MCF2L: variants seen among roughly 807,000 people sequenced by gnomAD.
MCF2L encodes the protein guanine nucleotide exchange factor DBS.
In MCF2L, 97 loss-of-function variants were observed where a neutral mutation model predicts 153.4. That is an observed-to-expected ratio of 0.63 (90% CI 0.54 to 0.75). MCF2L has a LOEUF of 0.75. MCF2L is among the 30% of genes least tolerant of loss of function. The pLI is 0.00. For synonymous variants in MCF2L, 659 were observed against 632.2 expected, an observed-to-expected ratio of 1.04 and a Z score of -0.64; for missense variants, 1,347 against 1,495.2, an observed-to-expected ratio of 0.90 and a Z score of 1.64.
At chr13:113,089,886 C>A in intron 26 of MCF2L, 158 bp downstream of exon 26, 1 of 1,608,362 alleles carries the variant, frequency 6.2e-7, no homozygotes, top group Non-Finnish European at 8.5e-7. Context: ...GCCCTAGGAC[C>A]CCACAGAAGA....
intron 27 of MCF2L, 113 bp downstream of exon 27, chr13:113,094,748 C>G: frequency 7.4e-7 from 1 of 1,356,606 alleles, no homozygotes; most frequent in Non-Finnish European, 1.0e-6. Context: ...CCAGCTCCTC[C>G]TAACCCTGGA....
chr13:113,085,965 AGTCT>A (rs1168691339), intron 20 of MCF2L, among the ~76,000 whole-genome samples, 155 bp from the exon 21 acceptor site: 1 of 151,816 alleles, frequency 6.6e-6, no homozygotes, highest in Non-Finnish European at 1.5e-5. Context: ...AGCACCACTC[AGTCT>A]GTCCCAGCTG....
intron 2 of MCF2L, among the ~76,000 whole-genome samples, chr13:112,919,037 G>T (rs1220182155): frequency 6.6e-6 from 1 of 152,094 alleles, no homozygotes; most frequent in Non-Finnish European, 1.5e-5. Context: ...GTGGTCTGTG[G>T]GCCCCGTGCC....
chr13:112,996,529 T>C (rs1191309104), intron 1 of MCF2L, among the ~76,000 whole-genome samples: 2 of 152,186 alleles, frequency 1.3e-5, no homozygotes, highest in East Asian at 1.9e-4. Context: ...TTTCCCACCA[T>C]GTGGAACGTC....
chr13:113,047,939 C>T (rs1480969304), intron 4 of MCF2L, among the ~76,000 whole-genome samples: 1 of 152,294 alleles, frequency 6.6e-6, no homozygotes, highest in Non-Finnish European at 1.5e-5. Context: ...TACGCGTGCC[C>T]CAGTGCCCTC....
At chr13:112,989,747 C>T (rs2082825944) in intron 1 of MCF2L, among the ~76,000 whole-genome samples, 1 of 152,256 alleles carries the variant, frequency 6.6e-6, no homozygotes, top group Non-Finnish European at 1.5e-5. Context: ...CTGAGTCCTT[C>T]CTGAGCTCTT....
chr13:112,998,690 C>G (rs551752127), intron 1 of MCF2L, among the ~76,000 whole-genome samples: 1 of 152,148 alleles, frequency 6.6e-6, no homozygotes. Flanking sequence ...GGTGTGGGGT[C>G]GATTCTGTCT....
At position 113,070,274 on chromosome 13, in the gene MCF2L, G is replaced by C; in HGVS notation, c.996+101G>C. 1.4e-6 allele frequency: 1 copy of C among 723,900 alleles called. No homozygotes were observed. The highest frequency in any genetic ancestry group is 2.1e-6 in the Non-Finnish European group (1 of 477,924). 44.8% of individuals were successfully genotyped at this position (723,900 alleles called of 1,614,324 possible). ...GCCGGGAGCTGAGCCGTGCCACCCA[G>C]TTGACTTTGGCTTAATGCAGAAAAG... On this transcript the variant is annotated intron_variant, in intron 9 of 29. Coordinates refer to ENST00000535094, the MANE Select transcript of MCF2L (RefSeq NM_001112732.3). This position sits in a 1 kb window ranked among gnomAD's most constrained non-coding sequence, Gnocchi z 5.6.
chr13:112,969,338 G>A lies in MCF2L; in HGVS notation c.-42G>A, dbSNP rs556059392. Reference sequence around the variant, plus strand: ...CCCACCCGCAGGCGCCCCCCGTGCGGAGGAAGCGGATCTGCCAGGATCATT... The same window carrying A: ...CCCACCCGCAGGCGCCCCCCGTGCGAAGGAAGCGGATCTGCCAGGATCATT... On this transcript the variant is annotated 5_prime_UTR_variant, in exon 1 of 30. Transcript: ENST00000535094. This position sits in a 1 kb window ranked among gnomAD's most constrained non-coding sequence, Gnocchi z 4.8. The A allele has an allele frequency of 3.2e-6, 5 of 1,548,190 alleles. No homozygotes were observed. In the Admixed American group the frequency reaches 9.8e-5, roughly 30 times the overall value.
intron 5 of MCF2L, among the ~76,000 whole-genome samples, chr13:113,062,601 A>G (rs867917030): frequency 1.2e-4 from 18 of 152,212 alleles, no homozygotes; most frequent in South Asian, 8.3e-4. Flanking sequence ...AATCACCGGC[A>G]TCTTCAAACT....
chr13:113,057,217 GTGTT>G (rs1377496216), intron 4 of MCF2L, among the ~76,000 whole-genome samples: 2 of 150,132 alleles, frequency 1.3e-5, no homozygotes, highest in Admixed American at 1.3e-4. Context: ...TAGGTGCTGT[GTGTT>G]TGGGTACTGA....
intron 2 of MCF2L, among the ~76,000 whole-genome samples, chr13:112,930,650 C>A (rs1218357624): frequency 2.0e-5 from 3 of 152,180 alleles, no homozygotes; most frequent in Non-Finnish European, 2.9e-5. Flanking sequence ...TTAATACCTG[C>A]AAATTTAAAA....
At chr13:113,081,093 C>G (rs373197848) in intron 15 of MCF2L, 120 bp from the exon 16 acceptor site, 6 of 850,932 alleles carry the variant, frequency 7.1e-6, no homozygotes, top group Non-Finnish European at 1.1e-5. Flanking sequence ...TTTGGGTCGC[C>G]GCCAGTCCCC....
chr13:113,091,460 T>G (rs1566884131), intron 26 of MCF2L, among the ~76,000 whole-genome samples: 1 of 152,194 alleles, frequency 6.6e-6, no homozygotes, highest in Non-Finnish European at 1.5e-5. Context: ...TGGCCACGGC[T>G]GCTGCGCTGG....
chr13:113,070,000 C>G, intron 8 of MCF2L, 59 bp from the exon 9 acceptor site: 1 of 1,256,722 alleles, frequency 8.0e-7, no homozygotes, highest in South Asian at 1.3e-5. Context: ...ACCCACCGCG[C>G]TCCACGTTGC....
At chr13:112,906,435 C>T (rs1200029597) in intron 2 of MCF2L, among the ~76,000 whole-genome samples, 1 of 152,220 alleles carries the variant, frequency 6.6e-6, no homozygotes, top group Non-Finnish European at 1.5e-5. Flanking sequence ...TCTGCAGGGC[C>T]TGTCTCACTG....
chr13:113,044,539 T>C, intron 3 of MCF2L: 2 of 1,277,626 alleles, frequency 1.6e-6, no homozygotes, highest in Non-Finnish European at 2.2e-6. Flanking sequence ...CATGCCCGTG[T>C]GGTTGTTTCT....
At chr13:113,049,261 C>T (rs2087045408) in intron 4 of MCF2L, among the ~76,000 whole-genome samples, 1 of 143,714 alleles carries the variant, frequency 7.0e-6, no homozygotes, top group Admixed American at 7.7e-5. Context: ...GGTCACTGGT[C>T]AAGGGAGTGA....
At chr13:112,959,652 A>G (rs1229384874) in intron 2 of MCF2L, among the ~76,000 whole-genome samples, 1 of 152,148 alleles carries the variant, frequency 6.6e-6, no homozygotes, top group Non-Finnish European at 1.5e-5. Flanking sequence ...TTTTCTCCCT[A>G]TTAGAGGGAA....
Sources: allele counts gnomAD v4.1 joint callset (sites outside exome capture counted in the v4.1 genomes callset), GRCh38; gene constraint gnomAD v4.1.1; non-coding constraint Gnocchi (gnomAD v3.1); transcripts MANE v1.5; gene names NCBI Gene and HGNC (gene_info 2026-07-23, HGNC 2026-07-21).